KRT14: variants seen among roughly 807,000 people sequenced by gnomAD.
The protein encoded by KRT14 is keratin 14.
In KRT14, 30 loss-of-function variants were observed where a neutral mutation model predicts 44.5. The ratio of observed to expected loss-of-function variants is 0.67; its 90% confidence interval spans 0.50 to 0.92. KRT14 has a LOEUF of 0.92. Ranked by LOEUF, KRT14 falls within the 40% of genes least tolerant of loss-of-function variation. The pLI is 0.00. For missense variants in KRT14, 535 were observed against 640.6 expected, an observed-to-expected ratio of 0.84 and a Z score of 1.78; for synonymous variants, 241 against 257.6, an observed-to-expected ratio of 0.94 and a Z score of 0.62.
chr17:41,584,587 T>C lies in KRT14; in HGVS notation c.609-174A>G, dbSNP rs1255556261. 76 of 691,148 alleles carry C rather than the reference T, an allele frequency of 1.1e-4. 1 individual carries two copies. In the Admixed American group the frequency reaches 1.6e-3, roughly 15 times the overall value. 42.8% of individuals were successfully genotyped at this position (691,148 alleles called of 1,614,324 possible). A position where few individuals can be genotyped will look rare whatever the true frequency, so the allele number is the denominator to read the frequency against. ...CCCATTGATTGCTCAGATATGAACATTCCTGCGGGCTGGGGATAAGGCAGT... is the reference window on the plus strand; with the variant it reads ...CCCATTGATTGCTCAGATATGAACACTCCTGCGGGCTGGGGATAAGGCAGT... On this transcript the variant is annotated intron_variant, in intron 2 of 7. Transcript: ENST00000167586.
chr17:41,586,768 C>G lies in KRT14; in HGVS notation c.67G>C (p.Gly23Arg). 6.3e-7 allele frequency: 1 copy of G among 1,583,974 alleles called. No individual in the cohort carries two copies. Residue 23 changes from glycine to arginine, a missense_variant, in exon 1 of 8, where the codon GGC (glycine) becomes CGC (arginine). By Grantham distance (125) the Gly-to-Arg change is moderately radical. Transcript: ENST00000167586. ...SMKGSCGIGG[G>R]IGGGSSRISS... is the part of the protein sequence containing the mutation. Reference sequence around the variant, plus strand: ...ATGCGGCTGGAGCCGCCCCCGATGCCGCCCCCGATGCCGCAGGAGCCCTTC... The same window carrying G: ...ATGCGGCTGGAGCCGCCCCCGATGCGGCCCCCGATGCCGCAGGAGCCCTTC...
intron 3 of KRT14, 44 bp from the exon 4 acceptor site, chr17:41,583,965 C>T: frequency 6.2e-7 from 1 of 1,610,620 alleles, no homozygotes. Context: ...TCCACCATGG[C>T]AGCGGATTGG....
At chr17:41,584,689 T>C (rs1438008307) in intron 2 of KRT14, among the ~76,000 whole-genome samples, 1 of 152,208 alleles carries the variant, frequency 6.6e-6, no homozygotes, top group Non-Finnish European at 1.5e-5. Flanking sequence ...CCTCCAACTA[T>C]GATTCCTTCC....
intron 3 of KRT14, 148 bp from the exon 4 acceptor site, chr17:41,584,069 CTTTTTTTTTTTTTTTTTT>C (rs61300844): frequency 3.3e-6 from 1 of 304,052 alleles, no homozygotes; most frequent in South Asian, 2.9e-5. Flanking sequence ...CTCTCTCTCT[CTTTTTTTTTTTTTTTTTT>C]TTTTTTTTTT....
rs1319111191 is a variant in KRT14, at chr17:41,586,892, G to A, written c.-58C>T. On this transcript the variant is annotated 5_prime_UTR_variant, in exon 1 of 8. Transcript: ENST00000167586. ...TTGGCTGAGTGAAGAGAAGGTGCTC[G>A]GGTAAATTGGAAAGGGATGCGAGTG... 1.4e-5 allele frequency: 21 copies of A among 1,533,200 alleles called. No homozygotes were observed. Among genetic ancestry groups the A allele is most frequent in the African/African-American group, 6.9e-5 (5 of 72,912 alleles). The allele number at this position is 1,533,200 out of a possible 1,614,324, so 95.0% of individuals were successfully genotyped here.
At position 41,582,300 on chromosome 17, in the gene KRT14, G is replaced by T; in HGVS notation, c.*135C>A. On this transcript the variant is annotated 3_prime_UTR_variant, in exon 8 of 8. Coordinates refer to ENST00000167586, the MANE Select transcript of KRT14 (RefSeq NM_000526.5). ...AGAATTATGCAACTCAGATAATGAAGCTGTATTGATTGCCAGGAGGGGGTG... is the reference window on the plus strand; with the variant it reads ...AGAATTATGCAACTCAGATAATGAATCTGTATTGATTGCCAGGAGGGGGTG... 1 of 670,976 alleles carries T rather than the reference G, an allele frequency of 1.5e-6. No individual in the cohort carries two copies. Among genetic ancestry groups the T allele is most frequent in the Non-Finnish European group, 2.7e-6 (1 of 371,848 alleles). The allele number at this position is 670,976 out of a possible 1,614,324, so 41.6% of individuals were successfully genotyped here.
chr17:41,585,139 C>T, intron 1 of KRT14, 82 bp from the exon 2 acceptor site: 1 of 1,065,818 alleles, frequency 9.4e-7, no homozygotes, highest in South Asian at 1.3e-5. Flanking sequence ...TAAGCTCTTG[C>T]TTCATGTTCT....
At position 41,586,293 on chromosome 17, in the gene KRT14, G is replaced by C. The variant is rs374337575; in HGVS notation, c.525+17C>G. Reference sequence around the variant, plus strand: ...GGAGCTAGCTGGAATGGTGCCTTCTGCTGCCCATTCACCCACCTTGTTCCT... The same window carrying C: ...GGAGCTAGCTGGAATGGTGCCTTCTCCTGCCCATTCACCCACCTTGTTCCT... On this transcript the variant is annotated intron_variant, in intron 1 of 7. Coordinates refer to ENST00000167586, the MANE Select transcript of KRT14 (RefSeq NM_000526.5). 3.7e-6 allele frequency: 6 copies of C among 1,611,842 alleles called. No homozygotes were observed. The highest frequency in any genetic ancestry group is 5.1e-6 in the Non-Finnish European group (6 of 1,179,798).
chr17:41,586,726 C>A lies in KRT14; in HGVS notation c.109G>T (p.Gly37Ter), dbSNP rs1312208815. The change falls in exon 1 of 8, where the codon GGA (glycine) becomes TGA (stop). Residue 37 changes from glycine (G) to a stop codon, truncating the protein, a stop_gained. Transcript: ENST00000167586. LOFTEE classifies it high-confidence loss of function. Reference protein sequence around the residue: ...GSSRISSVLAGGSCRAPSTYG... With the variant: ...GSSRISSVLA ...GTGCTGGGGGCGCGGCAGGACCCTCCGGCCAGGACGGAGGAGATGCGGCTG... is the reference window on the plus strand; with the variant it reads ...GTGCTGGGGGCGCGGCAGGACCCTCAGGCCAGGACGGAGGAGATGCGGCTG... The A allele has an allele frequency of 1.3e-6, 2 of 1,586,722 alleles. No individual in the cohort carries two copies. The highest frequency in any genetic ancestry group is 2.7e-5 in the African/African-American group (2 of 74,208).
At chr17:41,583,514 G>T in intron 5 of KRT14, 37 bp downstream of exon 5, 1 of 1,614,196 alleles carries the variant, frequency 6.2e-7, no homozygotes, top group South Asian at 1.1e-5. Flanking sequence ...CTCCCTGCCA[G>T]TCCTGGGTGC....
rs1460791677 is a variant in KRT14, at chr17:41,583,671, C to T, written c.933G>A (p.Glu311=). The T allele has an allele frequency of 1.9e-6, 3 of 1,614,256 alleles. No homozygotes were observed. The highest frequency in any genetic ancestry group is 2.5e-6 in the Non-Finnish European group (3 of 1,180,046). The change falls in exon 5 of 8, where the codon GAG becomes GAA. Residue 311 remains glutamate (E), a synonymous_variant. Transcript: ENST00000167586. ...DAEEWFFTKT[E]ELNREVATNS... ...TGGTGGCCACCTCGCGGTTCAGCTCCTCTGTCTGCAAAAAAGAGAATGCCA... is the reference window on the plus strand; with the variant it reads ...TGGTGGCCACCTCGCGGTTCAGCTCTTCTGTCTGCAAAAAAGAGAATGCCA...
rs149217449 is a variant in KRT14 at position 41,583,290 on chromosome 17, G to C, written c.1219C>G (p.Arg407Gly). ...TAGGTGGCGATCTCCTGCTCCAGCC[G>C]CGTCTTCACGTCCAGCAGGATCTTG... ...EYKILLDVKT[R>G]LEQEIATYRR... The change falls in exon 6 of 8, where the codon CGG becomes GGG. Residue 407 changes from arginine to glycine, a missense_variant. Physicochemically the swap from Arg to Gly is moderately radical, Grantham distance 125. Coordinates refer to ENST00000167586, the MANE Select transcript of KRT14 (RefSeq NM_000526.5). 1.2e-6 allele frequency: 2 copies of C among 1,613,580 alleles called. No individual in the cohort carries two copies. The highest frequency in any genetic ancestry group is 1.7e-6 in the Non-Finnish European group (2 of 1,179,978).
At position 41,582,434 on chromosome 17, in the gene KRT14, C is replaced by G; in HGVS notation, c.*1G>C. 1.3e-6 allele frequency: 2 copies of G among 1,559,736 alleles called. No individual in the cohort carries two copies. Among genetic ancestry groups the G allele is most frequent in the Non-Finnish European group, 8.7e-7 (1 of 1,151,926 alleles). ...CTAGGCCTGAGCGGGGCTGGGCAGC[C>G]TCAGTTCTTGGTGCGAAGGACCTGC... On this transcript the variant is annotated 3_prime_UTR_variant, in exon 8 of 8. Transcript: ENST00000167586.
chr17:41,582,713 G>C, intron 7 of KRT14, 181 bp from the exon 8 acceptor site: 1 of 647,090 alleles, frequency 1.5e-6, no homozygotes, highest in Non-Finnish European at 2.8e-6. Context: ...TCTTTCAGAC[G>C]AGGGCTCCCA....
At position 41,584,420 on chromosome 17, in the gene KRT14, T is replaced by G. The variant is rs1242988787; in HGVS notation, c.609-7A>C. 6.2e-7 allele frequency: 1 copy of G among 1,613,872 alleles called. No homozygotes were observed. Among genetic ancestry groups the G allele is most frequent in the African/African-American group, 1.3e-5 (1 of 74,900 alleles). On this transcript the variant is annotated splice_polypyrimidine_tract_variant and splice_region_variant and intron_variant, in intron 2 of 7. Transcript: ENST00000167586. ...GTTCAACTCTGTCTCATACCTGGAA[T>G]GACCCCAGAGAAAAGGTATGAGACA...
At position 41,586,604 on chromosome 17, in the gene KRT14, G is replaced by A. The variant is rs6503639; in HGVS notation, c.231C>T (p.Ser77=). ...GGYGGGFSSS[S]SSFGSGFGGG... ...CCCCAAAGCCACTACCAAAGCTGCTGCTGCTGCTGCTGAAGCCACCGCCAT... is the reference window on the plus strand; with the variant it reads ...CCCCAAAGCCACTACCAAAGCTGCTACTGCTGCTGCTGAAGCCACCGCCAT... Residue 77 remains serine (S), a synonymous_variant, in exon 1 of 8, where the codon AGC becomes AGT. Coordinates refer to ENST00000167586, the MANE Select transcript of KRT14 (RefSeq NM_000526.5). 478,121 of 1,612,034 alleles carry A rather than the reference G, an allele frequency of 0.3. 76,091 individuals are homozygous for A. The highest frequency in any genetic ancestry group is 0.34 in the Non-Finnish European group (395,516 of 1,179,154).
In KRT14 at chr17:41,583,286, A is replaced by G; in HGVS notation, c.1223T>C (p.Leu408Pro). 6.2e-7 allele frequency: 1 copy of G among 1,613,536 alleles called. No individual in the cohort carries two copies. Among genetic ancestry groups the G allele is most frequent in the East Asian group, 2.2e-5 (1 of 44,856 alleles). The change falls in exon 6 of 8, where the codon CTG (leucine) becomes CCG (proline). Residue 408 changes from leucine to proline, a missense_variant. Transcript: ENST00000167586. The part of the protein sequence containing the change: ...YKILLDVKTR[L>P]EQEIATYRRL... ...GCGGTAGGTGGCGATCTCCTGCTCC[A>G]GCCGCGTCTTCACGTCCAGCAGGAT...
rs1907361358 is a variant in KRT14, at chr17:41,582,306, T to C, written c.*129A>G. The C allele has an allele frequency of 5.8e-6, 4 of 686,574 alleles. No individual in the cohort carries two copies. Among genetic ancestry groups the C allele is most frequent in the Non-Finnish European group, 1.0e-5 (4 of 382,530 alleles). 42.5% of individuals were successfully genotyped at this position (686,574 alleles called of 1,614,324 possible). A position where few individuals can be genotyped will look rare whatever the true frequency, so the allele number is the denominator to read the frequency against. ...ATGCAACTCAGATAATGAAGCTGTA[T>C]TGATTGCCAGGAGGGGGTGAGGGTG... On this transcript the variant is annotated 3_prime_UTR_variant, in exon 8 of 8. Coordinates refer to ENST00000167586, the MANE Select transcript of KRT14 (RefSeq NM_000526.5).
Position 41,584,238 on chromosome 17 carries a change from T to C in KRT14, c.765+19A>G. The C allele has an allele frequency of 6.2e-7, 1 of 1,613,720 alleles. No homozygotes were observed. The highest frequency in any genetic ancestry group is 1.1e-5 in the South Asian group (1 of 91,054). ...CTCCCTGCATTTCTTTTAAGCTGAC[T>C]TTTCCATATAGTTCTCACCTCCTCG... On this transcript the variant is annotated intron_variant, in intron 3 of 7. Transcript: ENST00000167586.
Sources: gnomAD v4.1 joint callset for allele counts (sites outside exome capture counted in the v4.1 genomes callset) on GRCh38, gnomAD v4.1.1 for gene constraint, MANE v1.5 for transcripts, NCBI Gene and HGNC (gene_info 2026-07-23, HGNC 2026-07-21) for gene names.